NKAIN2: variants seen among roughly 807,000 people sequenced by gnomAD.
The protein encoded by NKAIN2 is sodium/potassium-transporting ATPase subunit beta-1-interacting protein 2.
Under a neutral mutation model 32.6 loss-of-function variants are expected in NKAIN2, and 14 were observed. That is an observed-to-expected ratio of 0.43 (90% confidence interval 0.28 to 0.67). The LOEUF (loss-of-function observed/expected upper bound fraction) is 0.67, where lower values mean the gene tolerates loss of function less well. NKAIN2 is among the 30% of genes least tolerant of loss of function. The pLI is 0.17. For missense variants in NKAIN2, 198 were observed against 258.3 expected (o/e 0.77, Z 1.60); for synonymous variants, 80 against 87.2 (o/e 0.92, Z 0.46).
At chr6:124,490,522 C>T (rs2114723176) in intron 3 of NKAIN2, 1 of 331,508 alleles carries the variant, frequency 3.0e-6, no homozygotes, top group East Asian at 7.6e-5. Context: ...TACAAATACC[C>T]AAGTATTTAG....
intron 3 of NKAIN2, among the ~76,000 whole-genome samples, chr6:124,380,886 A>C (rs560980272): frequency 6.6e-6 from 1 of 152,278 alleles, no homozygotes; most frequent in South Asian, 2.1e-4. Context: ...ATACCATGAA[A>C]AGCTCATTGA....
intron 3 of NKAIN2, among the ~76,000 whole-genome samples, chr6:124,456,185 G>A (rs901116782): frequency 1.3e-5 from 2 of 151,816 alleles, no homozygotes; most frequent in African/African-American, 4.8e-5. Flanking sequence ...ATTTTGGACA[G>A]TTCTAATGTC....
At position 124,673,015 on chromosome 6, in the gene NKAIN2, A is replaced by G. The variant is rs80105287; in HGVS notation, c.474+14629A>G. On this transcript the variant is annotated intron_variant, in intron 4 of 6. Transcript: ENST00000368417. ...CTTTACATCTTGCATGGCTGAAAAT[A>G]TACACTCATTGAACAGCAACTCCTC... 8.8e-3 allele frequency among the ~76,000 whole-genome samples: 1,342 copies of G among 152,170 alleles called. 8 individuals carry two copies. The highest frequency in any genetic ancestry group is 0.013 in the Non-Finnish European group (905 of 67,932).
rs201100605 is a variant in NKAIN2 at position 124,533,471 on chromosome 6, CAA to C, written c.274-124696_274-124695del. Among the ~76,000 whole-genome samples, 506 of 58,954 alleles carry C rather than the reference CAA, an allele frequency of 8.6e-3. 5 individuals carry two copies. Among genetic ancestry groups the C allele is most frequent in the Non-Finnish European group, 0.012 (401 of 33,074 alleles). 38.7% of individuals were successfully genotyped at this position (58,954 alleles called of 152,430 possible). ...TGGGTGACAGAGCAAGACTCTGTCT[CAA>C]AAAAAAAAAAAAAAAAAATCCTGCT... On this transcript the variant is annotated intron_variant, in intron 3 of 6. Coordinates refer to ENST00000368417, the MANE Select transcript of NKAIN2 (RefSeq NM_001040214.3).
At chr6:124,212,251 G>A (rs1340953711) in intron 1 of NKAIN2, among the ~76,000 whole-genome samples, 2 of 151,838 alleles carry the variant, frequency 1.3e-5, no homozygotes, top group African/African-American at 4.8e-5. Context: ...TCCCCTTACT[G>A]TTTTAGTTTT....
intron 5 of NKAIN2, among the ~76,000 whole-genome samples, chr6:124,812,454 A>T (rs1258173244): frequency 6.6e-6 from 1 of 152,166 alleles, no homozygotes; most frequent in Non-Finnish European, 1.5e-5. Flanking sequence ...AAACAGTAGA[A>T]AACAGTAAAT....
chr6:124,624,405 C>T (rs1168946053), intron 3 of NKAIN2, among the ~76,000 whole-genome samples: 1 of 152,116 alleles, frequency 6.6e-6, no homozygotes, highest in Non-Finnish European at 1.5e-5. Context: ...AATATTACAA[C>T]TTCTGAGACC....
At position 124,539,812 on chromosome 6, in the gene NKAIN2, C is replaced by G. The variant is rs543247631; in HGVS notation, c.274-118374C>G. Among the ~76,000 whole-genome samples, 251 of 152,232 alleles carry G rather than the reference C, an allele frequency of 1.6e-3. 2 individuals carry two copies. Among genetic ancestry groups the G allele is most frequent in the Middle Eastern group, 3.4e-3 (1 of 294 alleles). On this transcript the variant is annotated intron_variant, in intron 3 of 6. Coordinates refer to ENST00000368417, the MANE Select transcript of NKAIN2 (RefSeq NM_001040214.3). ...CTCGTCTCACTGCAACCTCCGCCTCCTGGGTTCAAGCAATTCTCCTGCCTC... is the reference window on the plus strand; with the variant it reads ...CTCGTCTCACTGCAACCTCCGCCTCGTGGGTTCAAGCAATTCTCCTGCCTC...
intron 3 of NKAIN2, among the ~76,000 whole-genome samples, chr6:124,376,723 G>T (rs1288442446): frequency 1.3e-5 from 2 of 151,936 alleles, no homozygotes; most frequent in Admixed American, 1.3e-4. Context: ...ATAATGTGAT[G>T]CATTTTAGAA....
intron 1 of NKAIN2, among the ~76,000 whole-genome samples, chr6:124,165,427 A>G (rs1337482663): frequency 1.3e-5 from 2 of 151,968 alleles, no homozygotes; most frequent in Non-Finnish European, 2.9e-5. Flanking sequence ...TTTTTGCTAT[A>G]TTTTCCCAAT....
chr6:123,950,001 T>C (rs1244500197), intron 1 of NKAIN2, among the ~76,000 whole-genome samples: 1 of 152,080 alleles, frequency 6.6e-6, no homozygotes, highest in Non-Finnish European at 1.5e-5. Flanking sequence ...GTTTTTATCA[T>C]GAAGGGATAT....
At chr6:124,298,300 C>T (rs1796150110) in intron 2 of NKAIN2, among the ~76,000 whole-genome samples, 1 of 151,876 alleles carries the variant, frequency 6.6e-6, no homozygotes, top group South Asian at 2.1e-4. Context: ...TAGCAATATA[C>T]CTGTTTTCTT....
chr6:124,790,740 C>A (rs1025271904), intron 4 of NKAIN2, among the ~76,000 whole-genome samples: 1 of 151,974 alleles, frequency 6.6e-6, no homozygotes, highest in Non-Finnish European at 1.5e-5. Flanking sequence ...AAAGACGATG[C>A]GACGTGTGTA....
intron 1 of NKAIN2, among the ~76,000 whole-genome samples, chr6:123,961,977 G>A (rs1777870989): frequency 6.6e-6 from 1 of 152,010 alleles, no homozygotes; most frequent in African/African-American, 2.4e-5. Flanking sequence ...AAAAGAGAAA[G>A]CTATTTTATT....
Position 124,293,032 on chromosome 6 carries a change from A to G in NKAIN2, c.192+9890A>G, listed in dbSNP as rs540003880. 1.1e-4 allele frequency among the ~76,000 whole-genome samples: 17 copies of G among 152,234 alleles called. No individual in the cohort carries two copies. In the South Asian group the frequency reaches 3.1e-3, roughly 28 times the overall value. On this transcript the variant is annotated intron_variant, in intron 2 of 6. Coordinates refer to ENST00000368417, the MANE Select transcript of NKAIN2 (RefSeq NM_001040214.3). Reference sequence around the variant, plus strand: ...TTGTGCATTAGGTTGATCTAATGGCAATAGCAAAAATCTCAGTCAACTTCC... The same window carrying G: ...TTGTGCATTAGGTTGATCTAATGGCGATAGCAAAAATCTCAGTCAACTTCC...
intron 1 of NKAIN2, among the ~76,000 whole-genome samples, chr6:123,858,245 A>G (rs1335006354): frequency 6.6e-6 from 1 of 151,688 alleles, no homozygotes; most frequent in Non-Finnish European, 1.5e-5. Flanking sequence ...CCTCCCAAGT[A>G]GTTGGGATTA....
chr6:124,625,891 C>A (rs1583542388), intron 3 of NKAIN2, among the ~76,000 whole-genome samples: 1 of 151,458 alleles, frequency 6.6e-6, no homozygotes, highest in Non-Finnish European at 1.5e-5. Context: ...CTCTAACAAA[C>A]AAACATATTG....
At chr6:124,193,781 G>A (rs918886225) in intron 1 of NKAIN2, among the ~76,000 whole-genome samples, 2 of 152,074 alleles carry the variant, frequency 1.3e-5, no homozygotes, top group East Asian at 2.0e-4. Flanking sequence ...GACCCACAGC[G>A]GGTAGCTTCT....
At chr6:124,805,849 C>T (rs1351507688) in intron 5 of NKAIN2, among the ~76,000 whole-genome samples, 1 of 152,148 alleles carries the variant, frequency 6.6e-6, no homozygotes, top group East Asian at 1.9e-4. Flanking sequence ...AATGCAGAAG[C>T]CTCAGGAGCT....
Sources: allele counts gnomAD v4.1 joint callset (sites outside exome capture counted in the v4.1 genomes callset), GRCh38; gene constraint gnomAD v4.1.1; transcripts MANE v1.5; gene names NCBI Gene and HGNC (gene_info 2026-07-23, HGNC 2026-07-21).